Variants in NKAIN3 observed in about 807,000 individuals in gnomAD.
The protein encoded by NKAIN3 is sodium/potassium-transporting ATPase subunit beta-1-interacting protein 3.
NKAIN3 carries 25 observed loss-of-function variants against 30.2 expected under a neutral mutation model. The observed-to-expected ratio is 0.83, with a 90% CI of 0.60 to 1.16. NKAIN3 has a LOEUF of 1.16. Among genes scored for constraint, NKAIN3 ranks in the 50% most tolerant of loss-of-function variants. The pLI, the probability that NKAIN3 is intolerant of heterozygous loss-of-function variation, is 0.00. For synonymous variants in NKAIN3, 91 were observed against 89.6 expected, an observed-to-expected ratio of 1.02 and a Z score of -0.09; for missense variants, 225 against 254.1, an observed-to-expected ratio of 0.89 and a Z score of 0.78.
chr8:62,994,265 G>A (rs530235817), intron 5 of NKAIN3, among the ~76,000 whole-genome samples: 2 of 152,290 alleles, frequency 1.3e-5, no homozygotes, highest in South Asian at 4.1e-4. Flanking sequence ...CCATGCAATG[G>A]GTCGTTATGC....
At chr8:62,777,010 T>C (rs1258304574) in intron 4 of NKAIN3, among the ~76,000 whole-genome samples, 1 of 152,202 alleles carries the variant, frequency 6.6e-6, no homozygotes, top group Non-Finnish European at 1.5e-5. Context: ...TTCAACACTT[T>C]AAATATGTCA....
rs1179226651 is a variant in NKAIN3, at chr8:62,839,303, TA to T, written c.472-79137del. On this transcript the variant is annotated intron_variant, in intron 4 of 6. Transcript: ENST00000623646. ...AAGATTTTAGAGGATTTGCCTACAT[TA>T]AAAAAAAAAAAACAAAAACGACTTT... 7.5e-3 allele frequency among the ~76,000 whole-genome samples: 1,015 copies of T among 135,902 alleles called. 5 individuals carry two copies. Among genetic ancestry groups the T allele is most frequent in the African/African-American group, 0.02 (742 of 37,144 alleles). 89.2% of individuals were successfully genotyped at this position (135,902 alleles called of 152,430 possible).
intron 4 of NKAIN3, among the ~76,000 whole-genome samples, chr8:62,848,230 A>T (rs768387928): frequency 3.3e-5 from 5 of 152,180 alleles, no homozygotes; most frequent in Admixed American, 6.5e-5. Context: ...TGGTAGTTTA[A>T]TGGGAGTAGC....
intron 5 of NKAIN3, among the ~76,000 whole-genome samples, chr8:62,921,311 TCTAA>T (rs1822268601): frequency 6.6e-6 from 1 of 152,214 alleles, no homozygotes; most frequent in Non-Finnish European, 1.5e-5. Flanking sequence ...TTGATTCTAT[TCTAA>T]CTAATGAAAA....
At chr8:62,668,644 A>G (rs1296686088) in intron 3 of NKAIN3, among the ~76,000 whole-genome samples, 1 of 152,152 alleles carries the variant, frequency 6.6e-6, no homozygotes, top group East Asian at 1.9e-4. Context: ...TTAACACCAC[A>G]TCACCCTGAC....
At chr8:62,812,199 T>G (rs1017153135) in intron 4 of NKAIN3, among the ~76,000 whole-genome samples, 4 of 151,956 alleles carry the variant, frequency 2.6e-5, no homozygotes, top group African/African-American at 9.7e-5. Flanking sequence ...CTTCTAAGTA[T>G]CAATCTCTTC....
chr8:62,902,823 C>G (rs1821652778), intron 4 of NKAIN3, among the ~76,000 whole-genome samples: 1 of 152,092 alleles, frequency 6.6e-6, no homozygotes, highest in Admixed American at 6.5e-5. Context: ...TAGAAAAGTC[C>G]TACATGAAAT....
At chr8:62,510,250 A>G (rs907025595) in intron 1 of NKAIN3, among the ~76,000 whole-genome samples, 1 of 152,182 alleles carries the variant, frequency 6.6e-6, no homozygotes, top group African/African-American at 2.4e-5. Context: ...AAGGAATATC[A>G]ACATCAAAAA....
intron 2 of NKAIN3, among the ~76,000 whole-genome samples, chr8:62,587,428 A>G (rs1302318880): frequency 6.6e-6 from 1 of 152,034 alleles, no homozygotes; most frequent in African/African-American, 2.4e-5. Flanking sequence ...TCATTCTAAA[A>G]TAAATTGCCA....
chr8:62,344,329 T>C (rs1291315684), intron 1 of NKAIN3, among the ~76,000 whole-genome samples: 3 of 152,146 alleles, frequency 2.0e-5, no homozygotes, highest in African/African-American at 4.8e-5. Flanking sequence ...ACATATATTA[T>C]ACATAAGTGC....
intron 4 of NKAIN3, among the ~76,000 whole-genome samples, chr8:62,788,127 A>C (rs141283151): frequency 0.081 from 12,376 of 152,130 alleles, 517 homozygotes; most frequent in Middle Eastern, 0.092. Context: ...ACTTCCACAA[A>C]GGTTGAACTA....
chr8:62,946,325 G>A (rs1046138198), intron 5 of NKAIN3, among the ~76,000 whole-genome samples: 1 of 152,130 alleles, frequency 6.6e-6, no homozygotes, highest in African/African-American at 2.4e-5. Flanking sequence ...TGCCTTGGTG[G>A]CCACTAGGTA....
At chr8:62,654,270 G>A (rs1812704492) in intron 3 of NKAIN3, among the ~76,000 whole-genome samples, 1 of 151,916 alleles carries the variant, frequency 6.6e-6, no homozygotes, top group African/African-American at 2.4e-5. Context: ...ATAAAGACTG[G>A]AAGGGAAAGA....
chr8:62,774,522 G>T (rs1027182884), intron 4 of NKAIN3, among the ~76,000 whole-genome samples: 1 of 152,120 alleles, frequency 6.6e-6, no homozygotes, highest in Non-Finnish European at 1.5e-5. Flanking sequence ...TGCCCATTTA[G>T]TGTGAGACTA....
intron 4 of NKAIN3, among the ~76,000 whole-genome samples, chr8:62,811,472 T>C (rs758294165): frequency 1.9e-4 from 29 of 152,102 alleles, no homozygotes; most frequent in Non-Finnish European, 3.8e-4. Flanking sequence ...GTTGCACCAT[T>C]GTACATTCCC....
intron 5 of NKAIN3, among the ~76,000 whole-genome samples, chr8:62,998,718 C>A (rs1804183760): frequency 6.6e-6 from 1 of 152,178 alleles, no homozygotes; most frequent in Non-Finnish European, 1.5e-5. Context: ...GATTGTCATG[C>A]ATATTTTTTC....
At chr8:62,292,183 C>CTT (rs199844127) in intron 1 of NKAIN3, among the ~76,000 whole-genome samples, 9,424 of 151,546 alleles carry the variant, frequency 0.062, 969 homozygotes, top group African/African-American at 0.21. Flanking sequence ...GGTCTTGACT[C>CTT]TATCCAATTT....
chr8:62,368,582 G>T (rs1025963102), intron 1 of NKAIN3, among the ~76,000 whole-genome samples: 38 of 151,956 alleles, frequency 2.5e-4, no homozygotes, highest in Middle Eastern at 3.2e-3. Flanking sequence ...CATGAAGGGG[G>T]GCTTCTCCGG....
chr8:62,925,133 G>A (rs1024042519), intron 5 of NKAIN3, among the ~76,000 whole-genome samples: 5 of 152,114 alleles, frequency 3.3e-5, no homozygotes, highest in African/African-American at 1.2e-4. Flanking sequence ...CCCTGAGTGT[G>A]TCTCTGAATC....
Sources: allele counts gnomAD v4.1 joint callset (sites outside exome capture counted in the v4.1 genomes callset), GRCh38; gene constraint gnomAD v4.1.1; transcripts MANE v1.5; gene names NCBI Gene and HGNC (gene_info 2026-07-23, HGNC 2026-07-21).